CCSER1: variants seen among roughly 807,000 people sequenced by gnomAD.
CCSER1 encodes the protein serine-rich coiled-coil domain-containing protein 1.
In CCSER1, 41 loss-of-function variants were observed where a neutral mutation model predicts 82.0. The observed-to-expected ratio is 0.50, with a 90% CI of 0.39 to 0.65. The LOEUF (loss-of-function observed/expected upper bound fraction) is 0.65, where lower values mean the gene tolerates loss of function less well. Among genes scored for constraint, CCSER1 ranks in the 30% least tolerant of loss-of-function variants. CCSER1 has a pLI of 0.00. For synonymous variants in CCSER1, 414 were observed against 383.9 expected (o/e 1.08, Z -0.92); for missense variants, 1,119 against 1,064.2 (o/e 1.05, Z -0.72).
intron 3 of CCSER1, among the ~76,000 whole-genome samples, chr4:90,361,928 A>G (rs945337354): frequency 1.3e-5 from 2 of 152,210 alleles, no homozygotes; most frequent in Admixed American, 1.3e-4. Context: ...TAGAAGATAT[A>G]TACAGTTTCT....
intron 9 of CCSER1, among the ~76,000 whole-genome samples, chr4:91,054,698 T>C (rs1743290310): frequency 6.7e-6 from 1 of 149,292 alleles, no homozygotes; most frequent in Non-Finnish European, 1.5e-5. Context: ...ATCTCAGATT[T>C]GAGATTTTTT....
At position 90,170,507 on chromosome 4, in the gene CCSER1, C is replaced by T. The variant is rs747747142; in HGVS notation, c.-42+42676C>T. ...ATTATATTTTTCACCAGTTAACCATCGCCCCCTAGCCACTCTCCACTACCC... is the reference window on the plus strand; with the variant it reads ...ATTATATTTTTCACCAGTTAACCATTGCCCCCTAGCCACTCTCCACTACCC... On this transcript the variant is annotated intron_variant, in intron 1 of 10. Transcript: ENST00000509176. Among the ~76,000 whole-genome samples, 5 of 151,632 alleles carry T rather than the reference C, an allele frequency of 3.3e-5. No homozygotes were observed. In the South Asian group the frequency reaches 6.2e-4, roughly 19 times the overall value.
intron 6 of CCSER1, among the ~76,000 whole-genome samples, chr4:90,653,655 C>G (rs1337964324): frequency 2.0e-5 from 3 of 151,968 alleles, no homozygotes; most frequent in Non-Finnish European, 4.4e-5. Context: ...TACCTATTTC[C>G]TATTTTATAT....
intron 3 of CCSER1, among the ~76,000 whole-genome samples, chr4:90,357,572 C>G (rs1270817725): frequency 2.0e-5 from 3 of 151,930 alleles, no homozygotes; most frequent in Non-Finnish European, 4.4e-5. Context: ...TTTTAAAATT[C>G]ATGACTCTGA....
rs1722337323 is a variant in CCSER1, at chr4:90,128,901, TG to T, written c.-42+1072del. On this transcript the variant is annotated intron_variant, in intron 1 of 10. Coordinates refer to ENST00000509176, the MANE Select transcript of CCSER1 (RefSeq NM_001145065.2). ...TGCTTCCCCTTCCTCTCGTGGGACA[TG>T]GAATATGAAATGAAGTAAAAAAAAA... Among the ~76,000 whole-genome samples the T allele has an allele frequency of 2.0e-5, 3 of 152,044 alleles. No homozygotes were observed. The South Asian group carries it at 6.2e-4, about 32-fold the overall frequency.
At position 91,598,791 on chromosome 4, in the gene CCSER1, C is replaced by G; in HGVS notation, c.2437C>G (p.Leu813Val). 1 of 1,551,638 alleles carries G rather than the reference C, an allele frequency of 6.4e-7. No homozygotes were observed. The highest frequency in any genetic ancestry group is 8.7e-7 in the Non-Finnish European group (1 of 1,146,924). The change falls in exon 11 of 11, where the codon CTC (leucine) becomes GTC (valine). Residue 813 changes from leucine to valine, a missense_variant. Transcript: ENST00000509176. ...IKHSRGTYET[L>V]TSDVTQNLRA... ...ACATTCAAGAGGAACTTATGAAACC[C>G]TCACTTCAGACGTTACACAGAACTT...
At chr4:90,446,732 A>C (rs1760712986) in intron 4 of CCSER1, among the ~76,000 whole-genome samples, 1 of 152,174 alleles carries the variant, frequency 6.6e-6, no homozygotes, top group Non-Finnish European at 1.5e-5. Context: ...TTTCCTCAAT[A>C]CAACTTTTGC....
chr4:91,217,004 C>T (rs747921559), intron 10 of CCSER1, among the ~76,000 whole-genome samples: 5 of 152,120 alleles, frequency 3.3e-5, no homozygotes, highest in South Asian at 2.1e-4. Flanking sequence ...CGGACCCTCG[C>T]GGTGAGTGTT....
At chr4:91,350,229 C>T (rs1578241499) in intron 10 of CCSER1, among the ~76,000 whole-genome samples, 1 of 152,164 alleles carries the variant, frequency 6.6e-6, no homozygotes, top group East Asian at 1.9e-4. Context: ...ATTTGCAAAA[C>T]AAATTTAGAT....
At chr4:90,256,198 A>G (rs1723257405) in intron 1 of CCSER1, among the ~76,000 whole-genome samples, 1 of 152,162 alleles carries the variant, frequency 6.6e-6, no homozygotes, top group Non-Finnish European at 1.5e-5. Context: ...GCCAATTCCT[A>G]TAGTCTCCAT....
intron 1 of CCSER1, among the ~76,000 whole-genome samples, 198 bp downstream of exon 1, chr4:90,128,029 G>A (rs1276580654): frequency 6.6e-6 from 1 of 151,930 alleles, no homozygotes; most frequent in Non-Finnish European, 1.5e-5. Context: ...TGGGAAGGAG[G>A]CGGGCGGGCT....
chr4:91,411,507 T>TATATATATATATATATATATACACACAC (rs1553934202), intron 10 of CCSER1, among the ~76,000 whole-genome samples: 8 of 67,288 alleles, frequency 1.2e-4, no homozygotes, highest in African/African-American at 3.9e-4. Flanking sequence ...TATATATATA[T>TATATATATATATATATATATACACACAC]ATATATATAT....
intron 8 of CCSER1, among the ~76,000 whole-genome samples, chr4:90,817,388 C>T (rs1580623687): frequency 6.6e-6 from 1 of 151,952 alleles, no homozygotes; most frequent in East Asian, 1.9e-4. Context: ...GAAATTGGAC[C>T]TTCATTTGCT....
At chr4:90,515,594 G>A (rs1293636104) in intron 5 of CCSER1, among the ~76,000 whole-genome samples, 1 of 152,158 alleles carries the variant, frequency 6.6e-6, no homozygotes, top group South Asian at 2.1e-4. Flanking sequence ...CACATGACAT[G>A]ATAGTAATAA....
At chr4:91,506,787 C>T (rs1759515543) in intron 10 of CCSER1, among the ~76,000 whole-genome samples, 1 of 152,124 alleles carries the variant, frequency 6.6e-6, no homozygotes. Context: ...TATATCAGTA[C>T]TCCTTTGCTA....
At chr4:91,579,120 A>T (rs79630894) in intron 10 of CCSER1, among the ~76,000 whole-genome samples, 8,571 of 150,600 alleles carry the variant, frequency 0.057, 248 homozygotes, top group Middle Eastern at 0.079. Context: ...TTATTATTAT[A>T]TTATTATTAT....
intron 10 of CCSER1, among the ~76,000 whole-genome samples, chr4:91,140,867 A>T (rs946863531): frequency 6.6e-6 from 1 of 152,072 alleles, no homozygotes; most frequent in Non-Finnish European, 1.5e-5. Flanking sequence ...GCAGGCATAT[A>T]TTGCACAATG....
At chr4:91,154,875 G>A (rs1243633209) in intron 10 of CCSER1, among the ~76,000 whole-genome samples, 2 of 151,742 alleles carry the variant, frequency 1.3e-5, no homozygotes, top group Non-Finnish European at 2.9e-5. Context: ...CTATATTAAG[G>A]CAATCTCCCA....
At chr4:90,762,708 T>C (rs1750595811) in intron 7 of CCSER1, among the ~76,000 whole-genome samples, 1 of 152,184 alleles carries the variant, frequency 6.6e-6, no homozygotes. Context: ...TACCAATTTT[T>C]GTTTGATATG....
Sources: allele counts gnomAD v4.1 joint callset (sites outside exome capture counted in the v4.1 genomes callset), GRCh38; gene constraint gnomAD v4.1.1; transcripts MANE v1.5; gene names NCBI Gene and HGNC (gene_info 2026-07-23, HGNC 2026-07-21).